The following CHN2 variants were observed in gnomAD, a reference collection of about 807,000 sequenced individuals.
CHN2 encodes chimerin 2.
CHN2 carries 35 observed loss-of-function variants against 56.3 expected under a neutral mutation model. The observed-to-expected ratio is 0.62, with a 90% CI of 0.47 to 0.82. The LOEUF (loss-of-function observed/expected upper bound fraction) is 0.82, where lower values mean the gene tolerates loss of function less well. CHN2 is among the 40% of genes least tolerant of loss of function. CHN2 has a pLI of 0.00. For synonymous variants in CHN2, 210 were observed against 212.8 expected, an observed-to-expected ratio of 0.99 and a Z score of 0.12; for missense variants, 491 against 580.5, an observed-to-expected ratio of 0.85 and a Z score of 1.58.
intron 6 of CHN2, among the ~76,000 whole-genome samples, chr7:29,467,564 A>G (rs1785641543): frequency 6.6e-6 from 1 of 152,216 alleles, no homozygotes; most frequent in Admixed American, 6.5e-5. Context: ...AACCTTTGCT[A>G]AGTGCTTTTT....
chr7:29,439,181 C>T (rs1783449278), intron 6 of CHN2, among the ~76,000 whole-genome samples: 2 of 152,158 alleles, frequency 1.3e-5, no homozygotes, highest in African/African-American at 4.8e-5. Context: ...ACTAAACAGT[C>T]TTGTGTCATG....
chr7:29,303,488 T>C (rs1207901038), intron 1 of CHN2, among the ~76,000 whole-genome samples: 1 of 152,138 alleles, frequency 6.6e-6, no homozygotes, highest in African/African-American at 2.4e-5. Context: ...CCTTCCCTCT[T>C]ATTTCCCAGT....
At chr7:29,492,349 G>C (rs948869517) in intron 7 of CHN2, among the ~76,000 whole-genome samples, 3 of 152,046 alleles carry the variant, frequency 2.0e-5, no homozygotes, top group African/African-American at 7.2e-5. Flanking sequence ...CATAGATACA[G>C]ATTATTTTTA....
At position 29,438,769 on chromosome 7, in the gene CHN2, A is replaced by T. The variant is rs540739119; in HGVS notation, c.576+37941A>T. 3.2e-3 allele frequency among the ~76,000 whole-genome samples: 482 copies of T among 152,262 alleles called. 3 individuals are homozygous for T. Among genetic ancestry groups the T allele is most frequent in the South Asian group, 0.013 (62 of 4,832 alleles). On this transcript the variant is annotated intron_variant, in intron 6 of 12. Coordinates refer to ENST00000222792, the MANE Select transcript of CHN2 (RefSeq NM_004067.4). ...CAGGAAATATCCCTTCATATTTTGT[A>T]TCTCCCTTTGGAACATTCTGTTTTA... is the stretch of plus-strand genomic sequence containing the variant.
intron 1 of CHN2, among the ~76,000 whole-genome samples, chr7:29,208,246 T>A (rs1349288476): frequency 6.6e-6 from 1 of 152,162 alleles, no homozygotes; most frequent in Non-Finnish European, 1.5e-5. Flanking sequence ...TGCGTGAATG[T>A]ATAGGATGGC....
chr7:29,244,689 T>C (rs1787939913), intron 1 of CHN2, among the ~76,000 whole-genome samples: 1 of 152,248 alleles, frequency 6.6e-6, no homozygotes, highest in Admixed American at 6.5e-5. Context: ...CTCCCTGGTA[T>C]GGAGCTTACA....
At chr7:29,233,676 G>A (rs999600160) in intron 1 of CHN2, among the ~76,000 whole-genome samples, 1 of 152,098 alleles carries the variant, frequency 6.6e-6, no homozygotes, top group African/African-American at 2.4e-5. Context: ...AAAATGCAAA[G>A]TGAGAAAGAC....
intron 6 of CHN2, among the ~76,000 whole-genome samples, chr7:29,402,364 C>G (rs531839527): frequency 1.3e-5 from 2 of 152,292 alleles, no homozygotes; most frequent in South Asian, 2.1e-4. Flanking sequence ...CCTGTTTATT[C>G]TTTTCCAAAT....
chr7:29,481,612 G>A (rs1420132), intron 7 of CHN2, among the ~76,000 whole-genome samples: 73,995 of 149,870 alleles, frequency 0.49, 18,615 homozygotes, highest in African/African-American at 0.6. Flanking sequence ...TATTTCTCCC[G>A]TCACTGAATA....
intron 3 of CHN2, among the ~76,000 whole-genome samples, chr7:29,381,163 A>G (rs913126766): frequency 3.7e-4 from 56 of 152,294 alleles, no homozygotes; most frequent in Non-Finnish European, 7.4e-4. Flanking sequence ...GTCGATCAGA[A>G]GTGTGGACAA....
At chr7:29,204,811 T>C (rs1267196835) in intron 1 of CHN2, among the ~76,000 whole-genome samples, 3 of 152,176 alleles carry the variant, frequency 2.0e-5, no homozygotes, top group Admixed American at 2.0e-4. Flanking sequence ...CATGCCTTTT[T>C]TCGGAATATG....
chr7:29,439,191 G>A (rs1442130560), intron 6 of CHN2, among the ~76,000 whole-genome samples: 1 of 152,304 alleles, frequency 6.6e-6, no homozygotes, highest in East Asian at 1.9e-4. Context: ...CTTGTGTCAT[G>A]ATATTGTCAT....
chr7:29,360,026 G>A (rs1798602739), intron 2 of CHN2, among the ~76,000 whole-genome samples: 1 of 152,124 alleles, frequency 6.6e-6, no homozygotes, highest in Non-Finnish European at 1.5e-5. Flanking sequence ...AATCCCTTGG[G>A]GAGGATATTT....
chr7:29,257,251 C>T (rs1789146856), intron 1 of CHN2, among the ~76,000 whole-genome samples: 1 of 152,318 alleles, frequency 6.6e-6, no homozygotes, highest in South Asian at 2.1e-4. Flanking sequence ...CATCCTAGCC[C>T]TGGTTTCCAT....
At chr7:29,446,207 A>G (rs1435438395) in intron 6 of CHN2, among the ~76,000 whole-genome samples, 1 of 152,212 alleles carries the variant, frequency 6.6e-6, no homozygotes, top group African/African-American at 2.4e-5. Context: ...AGGTGCACCA[A>G]AATCTCAGAA....
chr7:29,280,189 G>T (rs995417816), intron 1 of CHN2, among the ~76,000 whole-genome samples: 1 of 151,972 alleles, frequency 6.6e-6, no homozygotes, highest in African/African-American at 2.4e-5. Flanking sequence ...TTTGAGACCA[G>T]CCTGGCCAAC....
At chr7:29,259,797 G>T (rs189588041) in intron 1 of CHN2, among the ~76,000 whole-genome samples, 1 of 152,020 alleles carries the variant, frequency 6.6e-6, no homozygotes, top group Non-Finnish European at 1.5e-5. Context: ...TAATAATTTC[G>T]CTATGTATAC....
intron 1 of CHN2, among the ~76,000 whole-genome samples, chr7:29,276,199 G>C (rs1379055449): frequency 6.6e-6 from 1 of 152,096 alleles, no homozygotes; most frequent in Non-Finnish European, 1.5e-5. Context: ...GAGTAGGACA[G>C]TGTAAGGAGG....
intron 2 of CHN2, among the ~76,000 whole-genome samples, chr7:29,362,555 A>T (rs1035537335): frequency 2.0e-5 from 3 of 152,154 alleles, no homozygotes; most frequent in African/African-American, 7.2e-5. Flanking sequence ...CCAGCATGTC[A>T]TTCAAGGTCC....
Sources: allele counts gnomAD v4.1 joint callset (sites outside exome capture counted in the v4.1 genomes callset), GRCh38; gene constraint gnomAD v4.1.1; transcripts MANE v1.5; gene names NCBI Gene and HGNC (gene_info 2026-07-23, HGNC 2026-07-21).